Variants in GSE1 observed in about 807,000 individuals in gnomAD.
GSE1 encodes Gse1 coiled-coil protein.
A neutral mutation model predicts 112.6 loss-of-function variants in GSE1; 32 were observed. The observed-to-expected ratio is 0.28, with a 90% CI of 0.21 to 0.38. GSE1 has a LOEUF of 0.38. GSE1 is among the 10% of genes least tolerant of loss of function. GSE1 has a pLI of 1.00. For synonymous variants in GSE1, 1,115 were observed against 735.6 expected, an observed-to-expected ratio of 1.52 and a Z score of -8.35; for missense variants, 2,348 against 1,699.2, an observed-to-expected ratio of 1.38 and a Z score of -6.71.
intron 2 of GSE1, among the ~76,000 whole-genome samples, chr16:85,360,674 G>A (rs1318943310): frequency 6.6e-6 from 1 of 152,132 alleles, no homozygotes; most frequent in African/African-American, 2.4e-5. Context: ...GCAGACGCAC[G>A]AGACAGACAC....
chr16:85,243,478 C>T (rs544305015), intron 1 of GSE1, among the ~76,000 whole-genome samples: 1 of 152,202 alleles, frequency 6.6e-6, no homozygotes, highest in Non-Finnish European at 1.5e-5. Flanking sequence ...AAGGCGGTGG[C>T]GTGTGGCTGC....
chr16:85,552,092 C>G (rs559163054), upstream of GSE1, among the ~76,000 whole-genome samples: 4 of 151,970 alleles, frequency 2.6e-5, no homozygotes, highest in African/African-American at 9.7e-5. Flanking sequence ...GTGGTGCGAT[C>G]TTGGCTCACT....
At chr16:85,528,765 C>A (rs2052450280) in intron 2 of GSE1, among the ~76,000 whole-genome samples, 1 of 152,088 alleles carries the variant, frequency 6.6e-6, no homozygotes, top group African/African-American at 2.4e-5. Context: ...GTCTTATCGT[C>A]TGGGGGAAGT....
chr16:85,605,372 C>T (rs2047657441), intron 1 of GSE1, among the ~76,000 whole-genome samples: 1 of 152,092 alleles, frequency 6.6e-6, no homozygotes. Context: ...ACCGACCTCC[C>T]TGCCCATCTG....
Position 85,662,974 on chromosome 16 carries a change from C to T in GSE1, c.2261-7C>T. The T allele has an allele frequency of 6.4e-7, 1 of 1,560,792 alleles. No individual in the cohort carries two copies. ...TGTCTGGCTGAATACAACCATTTCT[C>T]CATCAGGGTACTACTACGACCTCGA... On this transcript the variant is annotated splice_region_variant and splice_polypyrimidine_tract_variant and intron_variant, in intron 9 of 15. Transcript: ENST00000253458.
At position 85,349,559 on chromosome 16, in the gene GSE1, C is replaced by T. The variant is rs886547377; in HGVS notation, c.2284-7904C>T. On this transcript the variant is annotated intron_variant, in intron 1 of 2. Transcript: ENST00000637419. ...CAGGGGCAGGGGCCTCTGGCCAGCC[C>T]GGGAGGTGCTCCTGGGCTGGCTGTG... Among the ~76,000 whole-genome samples, 13 of 152,132 alleles carry T rather than the reference C, an allele frequency of 8.5e-5. No individual in the cohort carries two copies. In the East Asian group the frequency reaches 2.1e-3, roughly 25 times the overall value.
At chr16:85,486,035 G>A (rs1037850770) in intron 2 of GSE1, among the ~76,000 whole-genome samples, 2 of 152,170 alleles carry the variant, frequency 1.3e-5, no homozygotes, top group African/African-American at 4.8e-5. Context: ...CTACAGATGG[G>A]GACGTAACGG....
chr16:85,466,867 C>T (rs1276969861), intron 2 of GSE1, among the ~76,000 whole-genome samples: 1 of 152,112 alleles, frequency 6.6e-6, no homozygotes, highest in African/African-American at 2.4e-5. Flanking sequence ...CGAGACCAGC[C>T]TGGCCGAAAT....
intron 1 of GSE1, among the ~76,000 whole-genome samples, chr16:85,262,461 C>T (rs865925257): frequency 1.3e-5 from 2 of 152,220 alleles, no homozygotes; most frequent in African/African-American, 2.4e-5. Context: ...ATCATCGTCA[C>T]GGCCCTGAAG....
rs777547094 is a variant in GSE1, at chr16:85,666,195, G to A, written c.2978G>A (p.Arg993Gln). ...KKSLSMLHYI[R>Q]GAAPKDIPVP... ...AGTCTGAGCATGCTTCACTATATCC[G>A]GGGCGCTGCACCCAAGGACATTCCT... The change falls in exon 13 of 16, where the codon CGG (arginine) becomes CAG (glutamine). Residue 993 changes from arginine (R) to glutamine (Q), a missense_variant. Transcript: ENST00000253458. 47 of 1,613,438 alleles carry A rather than the reference G, an allele frequency of 2.9e-5. No individual in the cohort carries two copies. The highest frequency in any genetic ancestry group is 9.3e-5 in the African/African-American group (7 of 74,934).
At chr16:85,399,752 T>G (rs2048052299) in intron 2 of GSE1, among the ~76,000 whole-genome samples, 1 of 152,228 alleles carries the variant, frequency 6.6e-6, no homozygotes, top group Admixed American at 6.5e-5. Context: ...GGGTGCACAT[T>G]CTGCTGAGTT....
At position 85,674,112 on chromosome 16, in the gene GSE1, G is replaced by A. The variant is rs1008042644; in HGVS notation, c.*1573G>A. 3 of 152,306 alleles carry A rather than the reference G, an allele frequency of 2.0e-5. No individual in the cohort carries two copies. Among genetic ancestry groups the A allele is most frequent in the Non-Finnish European group, 4.4e-5 (3 of 68,096 alleles). The allele number at this position is 152,306 out of a possible 1,614,324, so 9.4% of individuals were successfully genotyped here. ...TCCCAAGGGCCCTCACCAGAGGCCA[G>A]GGCTGCCAGTCACTGGTCTGGGGGG... is the stretch of plus-strand genomic sequence containing the variant. On this transcript the variant is annotated 3_prime_UTR_variant, in exon 16 of 16. Transcript: ENST00000253458.
At chr16:85,236,941 C>T (rs1904727626) in intron 1 of GSE1, among the ~76,000 whole-genome samples, 1 of 152,230 alleles carries the variant, frequency 6.6e-6, no homozygotes. Context: ...CTGTGAGTCA[C>T]TTGCACCCTG....
intron 2 of GSE1, among the ~76,000 whole-genome samples, chr16:85,513,417 C>T (rs1213469035): frequency 1.3e-5 from 2 of 152,126 alleles, no homozygotes; most frequent in African/African-American, 4.8e-5. Context: ...AGAACAGCTT[C>T]CCACAGTGGT....
At chr16:85,506,143 C>T (rs114492693) in intron 2 of GSE1, among the ~76,000 whole-genome samples, 167 of 152,268 alleles carry the variant, frequency 1.1e-3, no homozygotes, top group African/African-American at 3.9e-3. Context: ...AGCAGAGCTT[C>T]CTATGGTAGC....
Position 85,370,345 on chromosome 16 carries a change from C to T in GSE1, c.2464+12702C>T, listed in dbSNP as rs564421582. On this transcript the variant is annotated intron_variant, in intron 2 of 2. Coordinates refer to the GSE1 transcript ENST00000637419. ...CTGGGCGTCCCTCTGCCTCTGCCTG[C>T]CCCTCAAGCAGCTAAGCCATGGTCC... Among the ~76,000 whole-genome samples, 3 of 152,288 alleles carry T rather than the reference C, an allele frequency of 2.0e-5. No homozygotes were observed. In the South Asian group the frequency reaches 6.2e-4, roughly 32 times the overall value.
intron 1 of GSE1, among the ~76,000 whole-genome samples, chr16:85,297,720 C>A (rs1212674060): frequency 6.6e-6 from 1 of 152,122 alleles, no homozygotes; most frequent in South Asian, 2.1e-4. Flanking sequence ...CTTTGTTGCC[C>A]AGCTGATCTC....
At chr16:85,336,386 C>T (rs761924126) in intron 1 of GSE1, among the ~76,000 whole-genome samples, 1 of 152,206 alleles carries the variant, frequency 6.6e-6, no homozygotes, top group Non-Finnish European at 1.5e-5. Flanking sequence ...AGCTCATCAG[C>T]TTTTGAAGAC....
At chr16:85,567,064 AC>A (rs1309540247) in intron 1 of GSE1, among the ~76,000 whole-genome samples, 4 of 45,470 alleles carry the variant, frequency 8.8e-5, no homozygotes, top group Non-Finnish European at 2.1e-4. Flanking sequence ...CCCCACCCCC[AC>A]CCCCCTCCGC....
Sources: allele counts gnomAD v4.1 joint callset (sites outside exome capture counted in the v4.1 genomes callset), GRCh38; gene constraint gnomAD v4.1.1; transcripts MANE v1.5; gene names NCBI Gene and HGNC (gene_info 2026-07-23, HGNC 2026-07-21).